The following ABCC4 variants were observed in gnomAD, a reference collection of about 807,000 sequenced individuals.
ABCC4 encodes the protein ATP-binding cassette sub-family C member 4.
A neutral mutation model predicts 168.5 loss-of-function variants in ABCC4; 102 were observed. That is an observed-to-expected ratio of 0.61 (90% CI 0.52 to 0.71). ABCC4 has a LOEUF of 0.71. Ranked by LOEUF, ABCC4 falls within the 30% of genes least tolerant of loss-of-function variation. The probability of loss-of-function intolerance (pLI) is 0.00; values close to 1 mark genes in which losing one functional copy is unlikely to be tolerated. For missense variants in ABCC4, 1,402 were observed against 1,605.8 expected, an observed-to-expected ratio of 0.87 and a Z score of 2.17; for synonymous variants, 617 against 590.7, an observed-to-expected ratio of 1.04 and a Z score of -0.65.
At chr13:95,211,434 C>T (rs117385057) in intron 4 of ABCC4, among the ~76,000 whole-genome samples, 3,442 of 152,136 alleles carry the variant, frequency 0.023, 38 homozygotes, top group Middle Eastern at 0.027. Flanking sequence ...GGGAGAGACC[C>T]TGGACGATGA....
intron 1 of ABCC4, among the ~76,000 whole-genome samples, chr13:95,260,214 C>T (rs1460597863): frequency 1.3e-5 from 2 of 152,178 alleles, no homozygotes; most frequent in Non-Finnish European, 2.9e-5. Flanking sequence ...GCCAATACTC[C>T]CAACCCAACC....
intron 1 of ABCC4, among the ~76,000 whole-genome samples, chr13:95,265,344 A>G (rs2138862956): frequency 6.6e-6 from 1 of 152,350 alleles, no homozygotes; most frequent in Non-Finnish European, 1.5e-5. Flanking sequence ...CAAAATAAAA[A>G]GTTAAAAGAC....
intron 19 of ABCC4, among the ~76,000 whole-genome samples, chr13:95,136,570 T>C (rs1446493112): frequency 6.6e-6 from 1 of 152,228 alleles, no homozygotes; most frequent in African/African-American, 2.4e-5. Context: ...GCCTAAGTTA[T>C]ACTCTTAAAG....
At chr13:95,123,394 A>T (rs539202796) in intron 19 of ABCC4, among the ~76,000 whole-genome samples, 3 of 152,062 alleles carry the variant, frequency 2.0e-5, no homozygotes, top group Non-Finnish European at 4.4e-5. Flanking sequence ...ACGAAGTCTC[A>T]CTCTGTTGCC....
rs541738072 is a variant in ABCC4 at position 95,207,510 on chromosome 13, A to G, written c.911+290T>C. Reference sequence around the variant, plus strand: ...TTAAACACCATTATTCTCAAATACTAACATCTTAGACTCATTGTTGGGATT... The same window carrying G: ...TTAAACACCATTATTCTCAAATACTGACATCTTAGACTCATTGTTGGGATT... On this transcript the variant is annotated intron_variant, in intron 7 of 30. Coordinates refer to ENST00000645237, the MANE Select transcript of ABCC4 (RefSeq NM_005845.5). 2.0e-5 allele frequency among the ~76,000 whole-genome samples: 3 copies of G among 152,362 alleles called. No homozygotes were observed. In the East Asian group the frequency reaches 5.8e-4, roughly 29 times the overall value.
Position 95,234,725 on chromosome 13 carries a change from G to A in ABCC4, c.416C>T (p.Thr139Met), listed in dbSNP as rs765741241. Residue 139 changes from threonine (T) to methionine (M), a missense_variant, in exon 4 of 31, where the codon ACG (threonine) becomes ATG (methionine). Transcript: ENST00000645237. ...VALNTAYAYA[T>M]VLTFCTLILA... is the part of the protein sequence containing the mutation. Reference sequence around the variant, plus strand: ...AATGAGCGTGCAAAAAGTCAGCACCGTGGCATAGGCGTACGCTGTGTTCAA... The same window carrying A: ...AATGAGCGTGCAAAAAGTCAGCACCATGGCATAGGCGTACGCTGTGTTCAA... 32 of 1,613,918 alleles carry A rather than the reference G, an allele frequency of 2.0e-5. No homozygotes were observed. The highest frequency in any genetic ancestry group is 2.5e-5 in the Non-Finnish European group (30 of 1,179,978).
At chr13:95,137,050 T>C (rs1475067067) in intron 19 of ABCC4, among the ~76,000 whole-genome samples, 1 of 152,232 alleles carries the variant, frequency 6.6e-6, no homozygotes, top group African/African-American at 2.4e-5. Flanking sequence ...TAAAGGTAGA[T>C]AGGGCCAGGT....
At chr13:95,281,731 C>A (rs1261679798) in intron 1 of ABCC4, among the ~76,000 whole-genome samples, 1 of 152,104 alleles carries the variant, frequency 6.6e-6, no homozygotes, top group African/African-American at 2.4e-5. Flanking sequence ...TGGAAAATGA[C>A]AACCAGTGGC....
chr13:95,183,323 C>T (rs550097158), intron 11 of ABCC4, among the ~76,000 whole-genome samples: 45 of 152,190 alleles, frequency 3.0e-4, no homozygotes, highest in African/African-American at 1.1e-3. Flanking sequence ...CATTTCTGTC[C>T]AGCAGGTTTT....
chr13:95,091,573 GT>G (rs1271632597), intron 20 of ABCC4, among the ~76,000 whole-genome samples: 1 of 151,976 alleles, frequency 6.6e-6, no homozygotes, highest in African/African-American at 2.4e-5. Context: ...GAAAGATACA[GT>G]TTTTTTCAAA....
intron 1 of ABCC4, among the ~76,000 whole-genome samples, chr13:95,250,757 CTTTTTTTTTT>C (rs66485168): frequency 1.3e-5 from 1 of 78,874 alleles, no homozygotes; most frequent in Non-Finnish European, 2.4e-5. Context: ...ATACTGGTTT[CTTTTTTTTTT>C]TTTTTTTTTT....
chr13:95,085,872 C>A (rs1311584054), intron 20 of ABCC4, among the ~76,000 whole-genome samples: 1 of 152,186 alleles, frequency 6.6e-6, no homozygotes, highest in Non-Finnish European at 1.5e-5. Flanking sequence ...GAGGGATTAT[C>A]ATCTCCATTT....
chr13:95,256,754 T>C (rs1388498369), intron 1 of ABCC4, among the ~76,000 whole-genome samples: 2 of 151,084 alleles, frequency 1.3e-5, no homozygotes, highest in African/African-American at 4.9e-5. Flanking sequence ...TGAGACCCTG[T>C]CTCAAAAAAA....
At chr13:95,120,881 G>T (rs2035547370) in intron 19 of ABCC4, among the ~76,000 whole-genome samples, 1 of 152,244 alleles carries the variant, frequency 6.6e-6, no homozygotes, top group Non-Finnish European at 1.5e-5. Context: ...GTGGAGCCTG[G>T]AGACAGTTGC....
At chr13:95,131,320 G>A (rs1026175398) in intron 19 of ABCC4, among the ~76,000 whole-genome samples, 4 of 152,066 alleles carry the variant, frequency 2.6e-5, no homozygotes, top group South Asian at 2.1e-4. Context: ...TCACATGGGC[G>A]CCTTGTTTTC....
chr13:95,219,047 A>G (rs914115810), intron 4 of ABCC4, among the ~76,000 whole-genome samples: 4 of 152,166 alleles, frequency 2.6e-5, no homozygotes, highest in African/African-American at 9.7e-5. Flanking sequence ...AAAGGGAAAA[A>G]AAACCATTAG....
chr13:95,221,942 G>A (rs2039321750), intron 4 of ABCC4, among the ~76,000 whole-genome samples: 1 of 152,158 alleles, frequency 6.6e-6, no homozygotes, highest in African/African-American at 2.4e-5. Context: ...CCATCCTCTA[G>A]TACAGAAACT....
chr13:95,278,830 A>G (rs1384925186), intron 1 of ABCC4, among the ~76,000 whole-genome samples: 5 of 151,004 alleles, frequency 3.3e-5, no homozygotes, highest in African/African-American at 4.9e-5. Flanking sequence ...AAAAAAAAAA[A>G]AAACACAGAC....
intron 21 of ABCC4, among the ~76,000 whole-genome samples, chr13:95,077,666 T>C (rs36096489): frequency 0.1 from 15,066 of 149,344 alleles, 1,000 homozygotes; most frequent in Admixed American, 0.17. Context: ...TGGCTACATA[T>C]GTTTTATAAA....
Sources: gnomAD v4.1 joint callset for allele counts (sites outside exome capture counted in the v4.1 genomes callset) on GRCh38, gnomAD v4.1.1 for gene constraint, MANE v1.5 for transcripts, NCBI Gene and HGNC (gene_info 2026-07-23, HGNC 2026-07-21) for gene names.